Variants in PTGDR2 observed in about 807,000 individuals in gnomAD.
The protein encoded by PTGDR2 is prostaglandin D2 receptor 2.
For synonymous variants in PTGDR2, 276 were observed against 278.4 expected (o/e 0.99, Z 0.09); for missense variants, 544 against 576.6 (o/e 0.94, Z 0.58).
At chr11:60,854,103 G>A (rs1196402589) in intron 1 of PTGDR2, among the ~76,000 whole-genome samples, 1 of 152,198 alleles carries the variant, frequency 6.6e-6, no homozygotes, top group Non-Finnish European at 1.5e-5. Flanking sequence ...CAGAGAAAAA[G>A]GAACAAGGTC....
In PTGDR2 at chr11:60,851,819, C is replaced by T. The variant is rs137865426; in HGVS notation, c.*716G>A. On this transcript the variant is annotated 3_prime_UTR_variant, in exon 2 of 2. Transcript: ENST00000332539. ...GTAGGTCAGAGAATGTCCTCGCTCA[C>T]CAGAGAGTCATTGAGCATGTGATGC... The T allele has an allele frequency of 1.1e-4, 17 of 152,338 alleles. No individual in the cohort carries two copies. The East Asian group carries it at 3.3e-3, about 29-fold the overall frequency. 9.4% of individuals were successfully genotyped at this position (152,338 alleles called of 1,614,324 possible). A position where few individuals can be genotyped will look rare whatever the true frequency, so the allele number is the denominator to read the frequency against.
Position 60,853,245 on chromosome 11 carries a change from C to T in PTGDR2, c.478G>A (p.Val160Met), listed in dbSNP as rs376767392. 17 of 1,613,128 alleles carry T rather than the reference C, an allele frequency of 1.1e-5. No individual in the cohort carries two copies. The African/African-American group carries it at 2.3e-4, about 22-fold the overall frequency. Residue 160 changes from valine (V) to methionine (M), a missense_variant, in exon 2 of 2, where the codon GTG becomes ATG. By Grantham distance (21) the Val-to-Met change is conservative. Transcript: ENST00000332539. ...KVCLVLWALAVLNTVPYFVFR... is the reference protein window; with the variant it reads ...KVCLVLWALAMLNTVPYFVFR... ...ACGAAATAGGGCACCGTGTTGAGCA[C>T]CGCTAGTGCCCAAAGCACCAGGCAG... is the stretch of plus-strand genomic sequence containing the variant.
In PTGDR2 at chr11:60,853,159, G is replaced by A. The variant is rs1855305895; in HGVS notation, c.564C>T (p.Leu188=). The A allele has an allele frequency of 2.5e-6, 4 of 1,609,036 alleles. No homozygotes were observed. The highest frequency in any genetic ancestry group is 1.7e-5 in the Admixed American group (1 of 60,004). ...GRIMCYYNVL[L]LNPGPDRDAT... is the part of the protein sequence containing the mutation. ...CATCGCGGTCAGGCCCCGGGTTCAG[G>A]AGCAGCACATTGTAGTAGCACATAA... is the stretch of plus-strand genomic sequence containing the variant. The change falls in exon 2 of 2, where the codon CTC becomes CTT. Residue 188 remains leucine (L), a synonymous_variant. Transcript: ENST00000332539.
rs1246490105 is a variant in PTGDR2, at chr11:60,852,725, A to G, written c.998T>C (p.Leu333Pro). 5 of 1,476,070 alleles carry G rather than the reference A, an allele frequency of 3.4e-6. No individual in the cohort carries two copies. The Admixed American group carries it at 9.0e-5, about 27-fold the overall frequency. 91.4% of individuals were successfully genotyped at this position (1,476,070 alleles called of 1,614,324 possible). ...GCGGCGGCTGCTTCCCGCGCCACCC[A>G]GCTCGCTGTCGTCCACCAGCACGCT... ...LESVLVDDSE[L>P]GGAGSSRRRR... Residue 333 changes from leucine (L) to proline (P), a missense_variant, in exon 2 of 2, where the codon CTG (leucine) becomes CCG (proline). Leu to Pro is a moderately conservative substitution (Grantham distance 98). Coordinates refer to ENST00000332539, the MANE Select transcript of PTGDR2 (RefSeq NM_004778.3).
Position 60,852,491 on chromosome 11 carries a change from G to T in PTGDR2, c.*44C>A. ...ATATCGAATTGAACCGCGGCACCCT[G>T]GTGATACTTTCGCGTGTGAGTGCCG... On this transcript the variant is annotated 3_prime_UTR_variant, in exon 2 of 2. Coordinates refer to ENST00000332539, the MANE Select transcript of PTGDR2 (RefSeq NM_004778.3). 2 of 1,241,082 alleles carry T rather than the reference G, an allele frequency of 1.6e-6. No individual in the cohort carries two copies. Among genetic ancestry groups the T allele is most frequent in the South Asian group, 3.7e-5 (1 of 27,342 alleles). The allele number at this position is 1,241,082 out of a possible 1,614,324, so 76.9% of individuals were successfully genotyped here.
rs1259208311 is a variant in PTGDR2, at chr11:60,853,717, C to T, written c.6G>A (p.Ser2=). ...AGAGTGGCTTCAGTGTGGCGTTGGC[C>T]GACATCGTGGGGCTCTGCAGTGGAG... is the stretch of plus-strand genomic sequence containing the variant. The part of the protein sequence containing the change: M[S]ANATLKPLCP... The change falls in exon 2 of 2, where the codon TCG becomes TCA. Residue 2 remains serine, a synonymous_variant. Coordinates refer to ENST00000332539, the MANE Select transcript of PTGDR2 (RefSeq NM_004778.3). The T allele has an allele frequency of 3.3e-6, 5 of 1,537,582 alleles. No individual in the cohort carries two copies. The highest frequency in any genetic ancestry group is 2.4e-5 in the East Asian group (1 of 40,866).
rs1460264040 is a variant in PTGDR2, at chr11:60,852,492, G to A, written c.*43C>T. ...TATCGAATTGAACCGCGGCACCCTGGTGATACTTTCGCGTGTGAGTGCCGC... is the reference window on the plus strand; with the variant it reads ...TATCGAATTGAACCGCGGCACCCTGATGATACTTTCGCGTGTGAGTGCCGC... On this transcript the variant is annotated 3_prime_UTR_variant, in exon 2 of 2. Coordinates refer to ENST00000332539, the MANE Select transcript of PTGDR2 (RefSeq NM_004778.3). 13 of 1,242,022 alleles carry A rather than the reference G, an allele frequency of 1.0e-5. No homozygotes were observed. Among genetic ancestry groups the A allele is most frequent in the Non-Finnish European group, 1.3e-5 (13 of 992,034 alleles). 76.9% of individuals were successfully genotyped at this position (1,242,022 alleles called of 1,614,324 possible). A position where few individuals can be genotyped will look rare whatever the true frequency, so the allele number is the denominator to read the frequency against.
chr11:60,852,507 G>T lies in PTGDR2; in HGVS notation c.*28C>A, dbSNP rs1054764648. On this transcript the variant is annotated 3_prime_UTR_variant, in exon 2 of 2. Coordinates refer to ENST00000332539, the MANE Select transcript of PTGDR2 (RefSeq NM_004778.3). Reference sequence around the variant, plus strand: ...CGGCACCCTGGTGATACTTTCGCGTGTGAGTGCCGCCCTACGTGGGCCGGG... The same window carrying T: ...CGGCACCCTGGTGATACTTTCGCGTTTGAGTGCCGCCCTACGTGGGCCGGG... The T allele has an allele frequency of 6.4e-6, 8 of 1,248,398 alleles. No homozygotes were observed. The African/African-American group carries it at 1.2e-4, about 19-fold the overall frequency. The allele number at this position is 1,248,398 out of a possible 1,614,324, so 77.3% of individuals were successfully genotyped here.
At chr11:60,855,490 G>GAAA (rs34051850) in intron 1 of PTGDR2, among the ~76,000 whole-genome samples, 8 of 125,452 alleles carry the variant, frequency 6.4e-5, no homozygotes, top group East Asian at 2.2e-4. Context: ...GGCAGGTTAA[G>GAAA]AAAAAAAAAA....
chr11:60,852,817 C>G lies in PTGDR2; in HGVS notation c.906G>C (p.Val302=). The change falls in exon 2 of 2, where the codon GTG becomes GTC. Residue 302 remains valine, a synonymous_variant. Coordinates refer to ENST00000332539, the MANE Select transcript of PTGDR2 (RefSeq NM_004778.3). ...TGTCGGGGCAGGTGAGCACGTAGAG[C>G]ACCGGGTTGGCCACGCTGTTGAAGA... ...LAFFNSVANP[V]LYVLTCPDML... 6.4e-7 allele frequency: 1 copy of G among 1,560,504 alleles called. No individual in the cohort carries two copies. Among genetic ancestry groups the G allele is most frequent in the South Asian group, 1.2e-5 (1 of 84,446 alleles).
chr11:60,855,409 C>T (rs1283665775), intron 1 of PTGDR2, among the ~76,000 whole-genome samples: 1 of 151,386 alleles, frequency 6.6e-6, no homozygotes, highest in African/African-American at 2.4e-5. Flanking sequence ...CAGATCAGTC[C>T]TTCTAACTCT....
chr11:60,853,395 TGGA>T lies in PTGDR2; in HGVS notation c.325_327del (p.Ser109del). 5.0e-6 allele frequency: 8 copies of T among 1,588,648 alleles called. No homozygotes were observed. Among genetic ancestry groups the T allele is most frequent in the African/African-American group, 1.3e-5 (1 of 74,500 alleles). ...CTGGCGAACATGTTGAGAAAGAAGATGGAGGAGTGCAGTTTGCAGAAGGTGGTG... is the reference window on the plus strand; with the variant it reads ...CTGGCGAACATGTTGAGAAAGAAGATGGAGTGCAGTTTGCAGAAGGTGGTG... On this transcript the variant is annotated inframe_deletion, in exon 2 of 2. Transcript: ENST00000332539.
Position 60,853,493 on chromosome 11 carries a change from T to C in PTGDR2, c.230A>G (p.Asp77Gly), listed in dbSNP as rs1023425447. ...TTWVLHLALS[D>G]LLASASLPFF... is the part of the protein sequence containing the mutation. The stretch of plus-strand genomic sequence containing the variant: ...GGGCAGGGAAGCAGAGGCCAACAGG[T>C]CGGACAGCGCCAGGTGCAGCACCCA... The change falls in exon 2 of 2, where the codon GAC becomes GGC. Residue 77 changes from aspartate to glycine, a missense_variant. Physicochemically the swap from Asp to Gly is moderately conservative, Grantham distance 94. Transcript: ENST00000332539. The C allele has an allele frequency of 3.2e-6, 5 of 1,562,246 alleles. No individual in the cohort carries two copies. The highest frequency in any genetic ancestry group is 1.4e-5 in the African/African-American group (1 of 73,620).
At position 60,853,690 on chromosome 11, in the gene PTGDR2, G is replaced by A; in HGVS notation, c.33C>T (p.Cys11=). 8.4e-6 allele frequency: 13 copies of A among 1,553,040 alleles called. No homozygotes were observed. The highest frequency in any genetic ancestry group is 1.1e-5 in the Non-Finnish European group (13 of 1,149,022). Reference sequence around the variant, plus strand: ...GACGGCTCATCTGCTCCAGGATGGGGCAGAGTGGCTTCAGTGTGGCGTTGG... The same window carrying A: ...GACGGCTCATCTGCTCCAGGATGGGACAGAGTGGCTTCAGTGTGGCGTTGG... The part of the protein sequence containing the change: MSANATLKPL[C]PILEQMSRLQ... Residue 11 remains cysteine (C), a synonymous_variant, in exon 2 of 2, where the codon TGC becomes TGT. Coordinates refer to ENST00000332539, the MANE Select transcript of PTGDR2 (RefSeq NM_004778.3).
rs1463922618 is a variant in PTGDR2 at position 60,853,201 on chromosome 11, C to T, written c.522G>A (p.Ser174=). The T allele has an allele frequency of 5.6e-6, 9 of 1,612,094 alleles. No homozygotes were observed. The Admixed American group carries it at 1.5e-4, about 27-fold the overall frequency. The change falls in exon 2 of 2, where the codon TCG becomes TCA. Residue 174 remains serine, a synonymous_variant. Transcript: ENST00000332539. ...AGCACATAATGCGCCCGTCCAGCCG[C>T]GAGATGGTGTCCCGGAACACGAAAT... ...VPYFVFRDTI[S]RLDGRIMCYY... is the part of the protein sequence containing the mutation.
intron 1 of PTGDR2, among the ~76,000 whole-genome samples, chr11:60,855,094 GA>G (rs1200515198): frequency 1.3e-5 from 2 of 152,194 alleles, no homozygotes; most frequent in African/African-American, 4.8e-5. Context: ...CTTGGAGCTA[GA>G]GACCTGCAGG....
In PTGDR2 at chr11:60,853,528, C is replaced by A; in HGVS notation, c.195G>T (p.Val65=). Residue 65 remains valine, a synonymous_variant, in exon 2 of 2, where the codon GTG becomes GTT. Coordinates refer to ENST00000332539, the MANE Select transcript of PTGDR2 (RefSeq NM_004778.3). Reference sequence around the variant, plus strand: ...CCAGGTGCAGCACCCAGGTGGTGACCACGGTCTGGCGCATGCGGCAGCCCA... The same window carrying A: ...CCAGGTGCAGCACCCAGGTGGTGACAACGGTCTGGCGCATGCGGCAGCCCA... ...FVVGCRMRQT[V]VTTWVLHLAL... The A allele has an allele frequency of 1.3e-6, 2 of 1,557,244 alleles. No homozygotes were observed.
chr11:60,852,167 G>C lies in PTGDR2; in HGVS notation c.*368C>G, dbSNP rs1432489299. 4.3e-6 allele frequency: 1 copy of C among 232,442 alleles called. No homozygotes were observed. The highest frequency in any genetic ancestry group is 8.3e-6 in the Non-Finnish European group (1 of 120,542). 14.4% of individuals were successfully genotyped at this position (232,442 alleles called of 1,614,324 possible). A position where few individuals can be genotyped will look rare whatever the true frequency, so the allele number is the denominator to read the frequency against. ...GTGCCCTTCCGACTCCACTGCCCTA[G>C]AGTGGGAAGTCTATTATGAGTTTCA... On this transcript the variant is annotated 3_prime_UTR_variant, in exon 2 of 2. Coordinates refer to ENST00000332539, the MANE Select transcript of PTGDR2 (RefSeq NM_004778.3).
chr11:60,852,933 C>T lies in PTGDR2; in HGVS notation c.790G>A (p.Val264Met), dbSNP rs758867069. 3 of 1,497,680 alleles carry T rather than the reference C, an allele frequency of 2.0e-6. No homozygotes were observed. Among genetic ancestry groups the T allele is most frequent in the East Asian group, 2.7e-5 (1 of 36,496 alleles). 92.8% of individuals were successfully genotyped at this position (1,497,680 alleles called of 1,614,324 possible). A position where few individuals can be genotyped will look rare whatever the true frequency, so the allele number is the denominator to read the frequency against. Reference sequence around the variant, plus strand: ...GCCCGCGCCTCCAGCAGGCTGAACACGTGGTAGGGCCCCCAGCAGAGCGCG... The same window carrying T: ...GCCCGCGCCTCCAGCAGGCTGAACATGTGGTAGGGCCCCCAGCAGAGCGCG... Reference protein sequence around the residue: ...AFALCWGPYHVFSLLEARAHA... With the variant: ...AFALCWGPYHMFSLLEARAHA... Residue 264 changes from valine to methionine, a missense_variant, in exon 2 of 2, where the codon GTG (valine) becomes ATG (methionine). Physicochemically the swap from Val to Met is conservative, Grantham distance 21. Coordinates refer to ENST00000332539, the MANE Select transcript of PTGDR2 (RefSeq NM_004778.3).
Sources: allele counts gnomAD v4.1 joint callset (sites outside exome capture counted in the v4.1 genomes callset), GRCh38; gene constraint gnomAD v4.1.1; transcripts MANE v1.5; gene names NCBI Gene and HGNC (gene_info 2026-07-23, HGNC 2026-07-21).